RTL4: variants seen among roughly 807,000 people sequenced by gnomAD.
RTL4 encodes the protein retrotransposon Gag-like protein 4.
In RTL4, 4 loss-of-function variants were observed where a neutral mutation model predicts 5.3. The observed-to-expected ratio is 0.75, with a 90% confidence interval of 0.37 to 1.72. The LOEUF (loss-of-function observed/expected upper bound fraction) is 1.72, where lower values mean the gene tolerates loss of function less well. Ranked by LOEUF, RTL4 falls within the 40% of genes most tolerant of loss-of-function variation. RTL4 has a pLI of 0.04. For missense variants in RTL4, 260 were observed against 227.1 expected (o/e 1.14, Z -0.93); for synonymous variants, 98 against 87.3 (o/e 1.12, Z -0.68).
At chrX:112,423,463 C>T in the RTL4 span, among the ~76,000 whole-genome samples, 1 of 110,284 alleles carries the variant, frequency 9.1e-6, no homozygotes, top group Non-Finnish European at 1.9e-5. Flanking sequence ...AGACTCAATC[C>T]ACTCAGACCA....
chrX:112,383,344 AC>A, the RTL4 span, among the ~76,000 whole-genome samples: 6 of 111,732 alleles, frequency 5.4e-5, no homozygotes, highest in Admixed American at 9.5e-5. Flanking sequence ...AATAGGATGA[AC>A]TTTGTTTCCC....
chrX:112,149,959 AAAGT>A, the RTL4 span, among the ~76,000 whole-genome samples: 1 of 111,687 alleles, frequency 9.0e-6, no homozygotes, highest in Non-Finnish European at 1.9e-5. Flanking sequence ...AGAAATGAAG[AAAGT>A]AAGAGAGCCA....
At chrX:112,294,188 G>A in the RTL4 span, among the ~76,000 whole-genome samples, 1 of 111,831 alleles carries the variant, frequency 8.9e-6, no homozygotes, top group Non-Finnish European at 1.9e-5. Context: ...GATGAATTTT[G>A]TACTAATTGC....
the RTL4 span, among the ~76,000 whole-genome samples, chrX:112,346,087 A>G: frequency 1.8e-5 from 2 of 112,051 alleles, no homozygotes; most frequent in Admixed American, 1.9e-4. Context: ...CTGAACAACT[A>G]TATATAAAAA....
chrX:112,167,201 A>G, the RTL4 span, among the ~76,000 whole-genome samples: 3 of 112,284 alleles, frequency 2.7e-5, no homozygotes, highest in Non-Finnish European at 5.6e-5. Flanking sequence ...AAAGGGACAG[A>G]TTTCCATCTA....
the RTL4 span, among the ~76,000 whole-genome samples, chrX:112,139,014 G>A: frequency 9.0e-6 from 1 of 111,447 alleles, no homozygotes; most frequent in Non-Finnish European, 1.9e-5. Context: ...AATCTGTGAC[G>A]GCTCCTCAAT....
At chrX:112,187,421 A>T in the RTL4 span, among the ~76,000 whole-genome samples, 2 of 111,549 alleles carry the variant, frequency 1.8e-5, no homozygotes, top group African/African-American at 6.5e-5. Context: ...GTTCTCAATC[A>T]TCAGTCTTTT....
the RTL4 span, among the ~76,000 whole-genome samples, chrX:112,106,348 C>T: frequency 1.8e-5 from 2 of 111,790 alleles, no homozygotes; most frequent in Non-Finnish European, 3.8e-5. Flanking sequence ...TAATGCTGGC[C>T]TCATAAAGTG....
At chrX:112,263,109 C>T in the RTL4 span, among the ~76,000 whole-genome samples, 21 of 103,375 alleles carry the variant, frequency 2.0e-4, no homozygotes, top group South Asian at 9.3e-4. Flanking sequence ...ATGTAAATGA[C>T]GAGTTAATGG....
the RTL4 span, among the ~76,000 whole-genome samples, chrX:112,092,912 G>A: frequency 9.0e-6 from 1 of 111,310 alleles, no homozygotes; most frequent in Non-Finnish European, 1.9e-5. Context: ...CCAGTCTCAG[G>A]TATGTCTTTA....
the RTL4 span, among the ~76,000 whole-genome samples, chrX:112,177,231 T>G: frequency 9.0e-6 from 1 of 111,310 alleles, no homozygotes; most frequent in Non-Finnish European, 1.9e-5. Flanking sequence ...ATCATATGGT[T>G]GTTCTATTTT....
the RTL4 span, among the ~76,000 whole-genome samples, chrX:112,198,749 CCAAGGCCTTTAAGATATA>C: frequency 9.0e-6 from 1 of 111,188 alleles, no homozygotes; most frequent in East Asian, 2.8e-4. Context: ...TGACTATGTG[CCAAGGCCTTTAAGATATA>C]CAAGGATTTA....
At chrX:112,392,414 G>A in the RTL4 span, among the ~76,000 whole-genome samples, 2 of 111,797 alleles carry the variant, frequency 1.8e-5, no homozygotes, top group Non-Finnish European at 3.8e-5. Flanking sequence ...AATAGTGAAG[G>A]CTGCAAAACA....
the RTL4 span, among the ~76,000 whole-genome samples, chrX:112,292,227 A>G: frequency 8.9e-6 from 1 of 111,828 alleles, no homozygotes; most frequent in Non-Finnish European, 1.9e-5. Flanking sequence ...CACCTCCTTC[A>G]GAGCTGAAAA....
chrX:112,104,909 G>A, the RTL4 span, among the ~76,000 whole-genome samples: 14 of 111,614 alleles, frequency 1.3e-4, no homozygotes, highest in South Asian at 4.8e-3. Flanking sequence ...TAATTCCACT[G>A]TGTATGTTAG....
At chrX:112,199,385 G>C in the RTL4 span, among the ~76,000 whole-genome samples, 1 of 110,426 alleles carries the variant, frequency 9.1e-6, no homozygotes, top group Non-Finnish European at 1.9e-5. Flanking sequence ...GCTAAGGGCA[G>C]AGTGGTATTG....
chrX:112,447,051 A>G, the RTL4 span, among the ~76,000 whole-genome samples: 1 of 111,793 alleles, frequency 8.9e-6, no homozygotes, highest in South Asian at 3.8e-4. Flanking sequence ...ATATTTAAAT[A>G]TTTCCATATT....
At chrX:112,255,640 G>A in the RTL4 span, among the ~76,000 whole-genome samples, 7 of 111,580 alleles carry the variant, frequency 6.3e-5, no homozygotes, top group Admixed American at 6.7e-4. Flanking sequence ...TTTCAATACT[G>A]GGCCCAAACT....
the RTL4 span, among the ~76,000 whole-genome samples, chrX:112,328,898 A>C: frequency 1.2e-4 from 13 of 111,997 alleles, no homozygotes; most frequent in Non-Finnish European, 2.3e-4. Flanking sequence ...CAACCTGCTC[A>C]TGAATGACTA....
Sources: gnomAD v4.1 joint callset for allele counts (sites outside exome capture counted in the v4.1 genomes callset) on GRCh38, gnomAD v4.1.1 for gene constraint, MANE v1.5 for transcripts, NCBI Gene and HGNC (gene_info 2026-07-23, HGNC 2026-07-21) for gene names.